TBCK: variants seen among roughly 807,000 people sequenced by gnomAD.
TBCK encodes TBC1 domain containing kinase.
A neutral mutation model predicts 113.4 loss-of-function variants in TBCK; 99 were observed. The observed-to-expected ratio is 0.87, with a 90% CI of 0.74 to 1.03. The LOEUF (loss-of-function observed/expected upper bound fraction) is 1.03, where lower values mean the gene tolerates loss of function less well. TBCK is among the 50% of genes least tolerant of loss of function. TBCK has a pLI of 0.00. For synonymous variants in TBCK, 369 were observed against 370.8 expected (o/e 1.00, Z 0.05); for missense variants, 1,045 against 1,061.3 (o/e 0.98, Z 0.21).
intron 23 of TBCK, among the ~76,000 whole-genome samples, chr4:106,161,760 T>TA (rs1418521206): frequency 1.3e-5 from 2 of 151,818 alleles, no homozygotes; most frequent in African/African-American, 2.4e-5. Context: ...TTTCAAGACA[T>TA]ATTGCTAAGC....
intron 22 of TBCK, among the ~76,000 whole-genome samples, chr4:106,177,302 T>A (rs560449050): frequency 5.3e-5 from 8 of 152,016 alleles, no homozygotes; most frequent in Non-Finnish European, 1.0e-4. Context: ...TTCTTCACTC[T>A]GTTGATTGTT....
At chr4:106,171,032 G>A in intron 23 of TBCK, 63 bp downstream of exon 23, 1 of 1,279,868 alleles carries the variant, frequency 7.8e-7, no homozygotes, top group Admixed American at 2.5e-5. Flanking sequence ...AAGATACTAG[G>A]GTATATTAAT....
At chr4:106,215,019 G>A (rs13258128) in intron 19 of TBCK, among the ~76,000 whole-genome samples, 9,590 of 150,334 alleles carry the variant, frequency 0.064, 351 homozygotes, top group Non-Finnish European at 0.082. Flanking sequence ...CGGATCTCTC[G>A]GCAGAAACCC....
chr4:106,218,321 T>C lies in TBCK; in HGVS notation c.1775-5486A>G, dbSNP rs1460094149. 2.0e-5 allele frequency among the ~76,000 whole-genome samples: 3 copies of C among 150,876 alleles called. No homozygotes were observed. The East Asian group carries it at 5.9e-4, about 30-fold the overall frequency. On this transcript the variant is annotated intron_variant, in intron 19 of 25. Transcript: ENST00000394708. Reference sequence around the variant, plus strand: ...GACATACGCATGGGCAAGGACTTCATGTCTAAAACACCAAAAGCAATGGCA... The same window carrying C: ...GACATACGCATGGGCAAGGACTTCACGTCTAAAACACCAAAAGCAATGGCA...
rs555226529 is a variant in TBCK at position 106,098,991 on chromosome 4, C to G, written c.2412-3350G>C. On this transcript the variant is annotated intron_variant, in intron 24 of 25. Coordinates refer to ENST00000394708, the MANE Select transcript of TBCK (RefSeq NM_001163435.3). ...ACTTCTGATAAATAAGTTGGATTATCAGAATAGCATTAACAGGTAGGGATG... is the reference window on the plus strand; with the variant it reads ...ACTTCTGATAAATAAGTTGGATTATGAGAATAGCATTAACAGGTAGGGATG... 2.6e-4 allele frequency among the ~76,000 whole-genome samples: 39 copies of G among 152,148 alleles called. No homozygotes were observed. The South Asian group carries it at 7.9e-3, about 31-fold the overall frequency.
intron 3 of TBCK, among the ~76,000 whole-genome samples, chr4:106,265,637 G>A (rs1411791077): frequency 2.0e-5 from 3 of 151,710 alleles, no homozygotes; most frequent in Middle Eastern, 6.8e-3. Flanking sequence ...GTTCCTTGTC[G>A]ATAGATACTG....
chr4:106,066,112 T>C (rs1198073561), intron 25 of TBCK, among the ~76,000 whole-genome samples: 3 of 152,058 alleles, frequency 2.0e-5, no homozygotes, highest in African/African-American at 7.2e-5. Flanking sequence ...GATTATATAA[T>C]ACTTATTCAG....
At chr4:106,055,442 T>G (rs922693929) in intron 25 of TBCK, among the ~76,000 whole-genome samples, 1 of 151,630 alleles carries the variant, frequency 6.6e-6, no homozygotes, top group Non-Finnish European at 1.5e-5. Context: ...ATTATAAGTT[T>G]TAAATAGAAA....
At chr4:106,197,403 G>GTATATATATATATATATATA (rs1482373580) in intron 20 of TBCK, among the ~76,000 whole-genome samples, 1 of 110,928 alleles carries the variant, frequency 9.0e-6, no homozygotes, top group African/African-American at 2.9e-5. Flanking sequence ...GTGTGTGTGT[G>GTATATATATATATATATATA]TGTGTGTGTA....
chr4:106,276,730 C>G (rs1294948032), intron 3 of TBCK, among the ~76,000 whole-genome samples: 1 of 151,888 alleles, frequency 6.6e-6, no homozygotes, highest in African/African-American at 2.4e-5. Context: ...AACCACATAT[C>G]TACTAAAAAC....
At position 106,250,489 on chromosome 4, in the gene TBCK, TGAGAA is replaced by T. The variant is rs761934030; in HGVS notation, c.598-16_598-12del. 3.7e-6 allele frequency: 5 copies of T among 1,352,198 alleles called. No individual in the cohort carries two copies. The highest frequency in any genetic ancestry group is 5.1e-6 in the Non-Finnish European group (5 of 971,754). 83.8% of individuals were successfully genotyped at this position (1,352,198 alleles called of 1,614,324 possible). Reference sequence around the variant, plus strand: ...AAATAATTTTCTTCCCTAAATAAAATGAGAAAAGAAATTTCTATTAATATTTACAT... The same window carrying T: ...AAATAATTTTCTTCCCTAAATAAAATAAGAAATTTCTATTAATATTTACAT... On this transcript the variant is annotated splice_polypyrimidine_tract_variant and intron_variant, in intron 6 of 25. Coordinates refer to ENST00000394708, the MANE Select transcript of TBCK (RefSeq NM_001163435.3).
At chr4:106,223,167 A>G (rs925095024) in intron 19 of TBCK, among the ~76,000 whole-genome samples, 2 of 152,170 alleles carry the variant, frequency 1.3e-5, no homozygotes, top group Non-Finnish European at 2.9e-5. Context: ...TAAGCTGCAC[A>G]TATATTAAAA....
intron 22 of TBCK, among the ~76,000 whole-genome samples, chr4:106,177,993 ATAATT>A (rs1304592849): frequency 1.3e-5 from 2 of 151,790 alleles, no homozygotes; most frequent in South Asian, 2.1e-4. Flanking sequence ...ATTGCCCTCT[ATAATT>A]TATTTCATTA....
At chr4:106,285,268 C>T (rs1373670350) in intron 3 of TBCK, among the ~76,000 whole-genome samples, 1 of 152,022 alleles carries the variant, frequency 6.6e-6, no homozygotes, top group African/African-American at 2.4e-5. Flanking sequence ...TTGATAACAC[C>T]TCATAAAACA....
rs147919207 is a variant in TBCK, at chr4:106,161,630, G to A, written c.2235+9465C>T. ...ATTTGAGATATACAAATAATATTAA[G>A]TATTACTACCATGATAACATTTCTG... On this transcript the variant is annotated intron_variant, in intron 23 of 25. Transcript: ENST00000394708. Among the ~76,000 whole-genome samples, 763 of 152,048 alleles carry A rather than the reference G, an allele frequency of 5.0e-3. 4 individuals carry two copies. Among genetic ancestry groups the A allele is most frequent in the African/African-American group, 0.018 (734 of 41,454 alleles).
At chr4:106,211,697 A>C (rs72891660) in intron 20 of TBCK, among the ~76,000 whole-genome samples, 4,092 of 152,158 alleles carry the variant, frequency 0.027, 177 homozygotes, top group African/African-American at 0.094. Flanking sequence ...TACAAAAAAA[A>C]CACCTTAAAT....
chr4:106,178,308 AT>A (rs199706553), intron 22 of TBCK, among the ~76,000 whole-genome samples: 4,091 of 151,280 alleles, frequency 0.027, 178 homozygotes, highest in African/African-American at 0.094. Context: ...GAATGTGTTA[AT>A]TTTTTTTTCT....
At chr4:106,316,270 G>A (rs1036896747), upstream of TBCK, 2 of 363,566 alleles carry the variant, frequency 5.5e-6, no homozygotes, top group African/African-American at 4.2e-5. Context: ...CAACGCTGAG[G>A]AAAGACCCCG....
chr4:106,224,519 A>G lies in TBCK; in HGVS notation c.1774+5844T>C, dbSNP rs143920685. ...TTATGCCAACCAAAAATCAATTACT[A>G]CTTTGAAGTGTAAAGCTTAAAACTC... is the stretch of plus-strand genomic sequence containing the variant. On this transcript the variant is annotated intron_variant, in intron 19 of 25. Coordinates refer to ENST00000394708, the MANE Select transcript of TBCK (RefSeq NM_001163435.3). Among the ~76,000 whole-genome samples the G allele has an allele frequency of 1.2e-3, 180 of 152,286 alleles. 1 individual carries two copies. The highest frequency in any genetic ancestry group is 4.0e-3 in the African/African-American group (168 of 41,582).
Sources: gnomAD v4.1 joint callset for allele counts (sites outside exome capture counted in the v4.1 genomes callset) on GRCh38, gnomAD v4.1.1 for gene constraint, MANE v1.5 for transcripts, NCBI Gene and HGNC (gene_info 2026-07-23, HGNC 2026-07-21) for gene names.